The following ZDHHC21 variants were observed in gnomAD, a reference collection of about 807,000 sequenced individuals.
The protein encoded by ZDHHC21 is palmitoyltransferase ZDHHC21.
In ZDHHC21, 15 loss-of-function variants were observed where a neutral mutation model predicts 34.6. That is an observed-to-expected ratio of 0.43 (90% confidence interval 0.29 to 0.67). ZDHHC21 has a LOEUF of 0.67. Among genes scored for constraint, ZDHHC21 ranks in the 30% least tolerant of loss-of-function variants. The pLI, the probability that ZDHHC21 is intolerant of heterozygous loss-of-function variation, is 0.14. For missense variants in ZDHHC21, 344 were observed against 327.7 expected, an observed-to-expected ratio of 1.05 and a Z score of -0.38; for synonymous variants, 142 against 101.8, an observed-to-expected ratio of 1.40 and a Z score of -2.38.
At position 14,618,670 on chromosome 9, in the gene ZDHHC21, T is replaced by C. The variant is rs3802481; in HGVS notation, c.*296A>G. On this transcript the variant is annotated 3_prime_UTR_variant, in exon 10 of 10. Coordinates refer to ENST00000380916, the MANE Select transcript of ZDHHC21 (RefSeq NM_178566.6). Reference sequence around the variant, plus strand: ...ACACTGTCAGTACTAAAATAAATTATGTACAATTATTTCATCCTAATCACT... The same window carrying C: ...ACACTGTCAGTACTAAAATAAATTACGTACAATTATTTCATCCTAATCACT... The C allele has an allele frequency of 0.11, 24,815 of 233,626 alleles. 1,949 individuals are homozygous for C. The highest frequency in any genetic ancestry group is 0.31 in the East Asian group (3,594 of 11,572). 14.5% of individuals were successfully genotyped at this position (233,626 alleles called of 1,614,324 possible). A position where few individuals can be genotyped will look rare whatever the true frequency, so the allele number is the denominator to read the frequency against.
At chr9:14,652,978 G>A (rs1831495783) in intron 7 of ZDHHC21, among the ~76,000 whole-genome samples, 1 of 151,968 alleles carries the variant, frequency 6.6e-6, no homozygotes, top group Non-Finnish European at 1.5e-5. Context: ...GAAAGAAAAT[G>A]CAGACTACAG....
At chr9:14,604,234 C>G in the ZDHHC21 span, among the ~76,000 whole-genome samples, 1 of 152,098 alleles carries the variant, frequency 6.6e-6, no homozygotes, top group African/African-American at 2.4e-5. Flanking sequence ...CTTACCATTC[C>G]ACTATTTCAC....
intron 7 of ZDHHC21, among the ~76,000 whole-genome samples, chr9:14,643,529 C>T (rs1396277942): frequency 2.0e-5 from 3 of 152,146 alleles, no homozygotes. Context: ...TTTACGTAGT[C>T]CAATGTATCA....
Position 14,612,987 on chromosome 9 carries a change from T to C in ZDHHC21, c.*5979A>G, listed in dbSNP as rs1823579425. ...AAGCTATATAGTTCATTTATATAAA[T>C]TAGAGTTCTTACCTTTTTATTCATT... On this transcript the variant is annotated 3_prime_UTR_variant, in exon 10 of 10. Coordinates refer to ENST00000380916, the MANE Select transcript of ZDHHC21 (RefSeq NM_178566.6). 6.6e-6 allele frequency: 1 copy of C among 151,866 alleles called. No individual in the cohort carries two copies. Among genetic ancestry groups the C allele is most frequent in the East Asian group, 1.9e-4 (1 of 5,186 alleles). The allele number at this position is 151,866 out of a possible 1,614,324, so 9.4% of individuals were successfully genotyped here.
At chr9:14,640,754 G>A (rs1829236942) in intron 7 of ZDHHC21, among the ~76,000 whole-genome samples, 1 of 152,108 alleles carries the variant, frequency 6.6e-6, no homozygotes, top group African/African-American at 2.4e-5. Context: ...GAAACATAAA[G>A]GAATGCCTAG....
chr9:14,621,622 T>G (rs1825321321), intron 8 of ZDHHC21, among the ~76,000 whole-genome samples: 2 of 152,238 alleles, frequency 1.3e-5, no homozygotes, highest in Non-Finnish European at 1.5e-5. Context: ...AAATGGCAAA[T>G]GCTCATCTGT....
At chr9:14,643,828 T>C (rs766383913) in intron 7 of ZDHHC21, among the ~76,000 whole-genome samples, 1 of 152,216 alleles carries the variant, frequency 6.6e-6, no homozygotes, top group Non-Finnish European at 1.5e-5. Context: ...TATCCATACA[T>C]GCATGGGCTC....
At chr9:14,624,710 G>T (rs1371422992) in intron 8 of ZDHHC21, among the ~76,000 whole-genome samples, 2 of 152,140 alleles carry the variant, frequency 1.3e-5, no homozygotes, top group Non-Finnish European at 2.9e-5. Context: ...TTAGAAAGGA[G>T]TAATAAATTG....
At chr9:14,621,455 T>G (rs1156792259) in intron 8 of ZDHHC21, among the ~76,000 whole-genome samples, 1 of 152,136 alleles carries the variant, frequency 6.6e-6, no homozygotes, top group Non-Finnish European at 1.5e-5. Context: ...TCAAGTGTTT[T>G]TGATACCTTT....
chr9:14,608,958 T>C (rs922842409), downstream of ZDHHC21, among the ~76,000 whole-genome samples: 1 of 152,158 alleles, frequency 6.6e-6, no homozygotes, highest in African/African-American at 2.4e-5. Flanking sequence ...TTTTAAGTGT[T>C]CAAAAGCTGG....
At chr9:14,657,698 C>G (rs1157295998) in intron 7 of ZDHHC21, among the ~76,000 whole-genome samples, 1 of 152,086 alleles carries the variant, frequency 6.6e-6, no homozygotes, top group Admixed American at 6.5e-5. Context: ...TAAACCAAGG[C>G]CCATAGTTTG....
intron 7 of ZDHHC21, among the ~76,000 whole-genome samples, chr9:14,649,621 T>G (rs1830866413): frequency 1.3e-5 from 2 of 152,226 alleles, no homozygotes; most frequent in African/African-American, 4.8e-5. Context: ...GCAATTAATA[T>G]CTAAAGTGAA....
At chr9:14,656,787 C>T (rs1307339341) in intron 7 of ZDHHC21, among the ~76,000 whole-genome samples, 1 of 151,912 alleles carries the variant, frequency 6.6e-6, no homozygotes, top group Non-Finnish European at 1.5e-5. Flanking sequence ...TAAAATGCTA[C>T]TAACATATTA....
rs151062940 is a variant in ZDHHC21, at chr9:14,687,396, C to A, written c.-176+2941G>T. Reference sequence around the variant, plus strand: ...GTAATAAAAGTAATGCTGGGCCGGGCATGGTGGCTCATGCCTGTAATCCCA... The same window carrying A: ...GTAATAAAAGTAATGCTGGGCCGGGAATGGTGGCTCATGCCTGTAATCCCA... On this transcript the variant is annotated intron_variant, in intron 2 of 9. Coordinates refer to ENST00000380916, the MANE Select transcript of ZDHHC21 (RefSeq NM_178566.6). Among the ~76,000 whole-genome samples the A allele has an allele frequency of 1.9e-4, 28 of 150,622 alleles. No individual in the cohort carries two copies. In the East Asian group the frequency reaches 5.0e-3, roughly 27 times the overall value.
chr9:14,619,515 C>A, intron 9 of ZDHHC21, 124 bp downstream of exon 9: 1 of 831,928 alleles, frequency 1.2e-6, no homozygotes, highest in Non-Finnish European at 1.8e-6. Flanking sequence ...TAGCACAGGC[C>A]TCAGACAATG....
At chr9:14,655,334 G>C (rs1322858180) in intron 7 of ZDHHC21, among the ~76,000 whole-genome samples, 4 of 151,900 alleles carry the variant, frequency 2.6e-5, no homozygotes, top group Non-Finnish European at 5.9e-5. Flanking sequence ...TGTTCCAAGA[G>C]ACTTGCACTA....
chr9:14,687,232 TG>T (rs1838462075), intron 2 of ZDHHC21, among the ~76,000 whole-genome samples: 1 of 150,806 alleles, frequency 6.6e-6, no homozygotes. Context: ...AGTCACTTGC[TG>T]GCTTAAAATC....
chr9:14,609,181 A>G (rs1823120341), downstream of ZDHHC21, among the ~76,000 whole-genome samples: 2 of 152,148 alleles, frequency 1.3e-5, no homozygotes, highest in Non-Finnish European at 2.9e-5. Context: ...AACAGCAAAA[A>G]ACCATTAATT....
intron 8 of ZDHHC21, chr9:14,622,650 T>G (rs2133460852): frequency 1.0e-6 from 1 of 985,142 alleles, no homozygotes; most frequent in East Asian, 1.1e-4. Flanking sequence ...ACATATGTTG[T>G]CATACAGGAG....
Sources: allele counts gnomAD v4.1 joint callset (sites outside exome capture counted in the v4.1 genomes callset), GRCh38; gene constraint gnomAD v4.1.1; transcripts MANE v1.5; gene names NCBI Gene and HGNC (gene_info 2026-07-23, HGNC 2026-07-21).